Variants in LDLRAD4 observed in about 807,000 individuals in gnomAD.
LDLRAD4 encodes the protein low density lipoprotein receptor class A domain containing 4.
Under a neutral mutation model 17.0 loss-of-function variants are expected in LDLRAD4, and 5 were observed. The observed-to-expected ratio is 0.29, with a 90% confidence interval of 0.15 to 0.62. LDLRAD4 has a LOEUF of 0.62. Ranked by LOEUF, LDLRAD4 falls within the 20% of genes least tolerant of loss-of-function variation. LDLRAD4 has a pLI of 0.84. For synonymous variants in LDLRAD4, 168 were observed against 171.8 expected (o/e 0.98, Z 0.17); for missense variants, 340 against 424.7 (o/e 0.80, Z 1.75).
intron 3 of LDLRAD4, among the ~76,000 whole-genome samples, chr18:13,517,296 A>G (rs1264171402): frequency 6.6e-6 from 1 of 152,218 alleles, no homozygotes; most frequent in Admixed American, 6.5e-5. Flanking sequence ...TGTTCCTGTC[A>G]TCTTCCACTT....
chr18:13,401,803 G>A (rs11662686), intron 2 of LDLRAD4, among the ~76,000 whole-genome samples: 66,514 of 152,048 alleles, frequency 0.44, 16,702 homozygotes, highest in Non-Finnish European at 0.56. Context: ...TTTTCCTTCT[G>A]TGTGGTTTCA....
intron 3 of LDLRAD4, among the ~76,000 whole-genome samples, chr18:13,600,709 T>C (rs900474089): frequency 6.6e-6 from 1 of 152,214 alleles, no homozygotes; most frequent in Non-Finnish European, 1.5e-5. Context: ...GATAGACTGG[T>C]TTGGAAAATT....
At chr18:13,631,400 G>A (rs1396599931) in intron 4 of LDLRAD4, among the ~76,000 whole-genome samples, 2 of 152,146 alleles carry the variant, frequency 1.3e-5, no homozygotes, top group African/African-American at 2.4e-5. Flanking sequence ...CATGGCTTCA[G>A]TGGTGAATTC....
intron 3 of LDLRAD4, among the ~76,000 whole-genome samples, chr18:13,600,521 C>T (rs2148627638): frequency 6.6e-6 from 1 of 152,338 alleles, no homozygotes; most frequent in South Asian, 2.1e-4. Context: ...GGCATAATGA[C>T]AGCAGACAGA....
intron 3 of LDLRAD4, among the ~76,000 whole-genome samples, chr18:13,569,080 G>T (rs2094648238): frequency 6.6e-6 from 1 of 152,124 alleles, no homozygotes; most frequent in Non-Finnish European, 1.5e-5. Flanking sequence ...AAAAAAAAAT[G>T]ATTATAAGAA....
chr18:13,507,073 AT>A (rs1332724183), intron 3 of LDLRAD4, among the ~76,000 whole-genome samples: 1 of 152,166 alleles, frequency 6.6e-6, no homozygotes, highest in Non-Finnish European at 1.5e-5. Context: ...TCTGTGCCAC[AT>A]TTTGGCAATT....
At chr18:13,505,709 T>C (rs1288797652) in intron 3 of LDLRAD4, among the ~76,000 whole-genome samples, 1 of 152,070 alleles carries the variant, frequency 6.6e-6, no homozygotes, top group Non-Finnish European at 1.5e-5. Flanking sequence ...TCGCAGCTAC[T>C]CGGGAGGCTG....
chr18:13,527,618 A>T (rs1231173341), intron 3 of LDLRAD4, among the ~76,000 whole-genome samples: 1 of 152,160 alleles, frequency 6.6e-6, no homozygotes, highest in African/African-American at 2.4e-5. Flanking sequence ...CCCTCTAGGA[A>T]ATTTGTTAGG....
exon 1 of LDLRAD4, chr18:13,218,945 C>T (rs1202536844): frequency 6.6e-6 from 1 of 152,358 alleles, no homozygotes; most frequent in African/African-American, 2.4e-5. Context: ...TCCTCGGGAC[C>T]CCTTCCCGGT....
At chr18:13,636,245 G>T (rs185444407) in intron 4 of LDLRAD4, among the ~76,000 whole-genome samples, 5 of 152,016 alleles carry the variant, frequency 3.3e-5, no homozygotes, top group African/African-American at 1.2e-4. Flanking sequence ...CTCAAGTCCC[G>T]CAGTCTGTCC....
intron 1 of LDLRAD4, among the ~76,000 whole-genome samples, chr18:13,248,833 G>T (rs1446756657): frequency 6.6e-6 from 1 of 152,026 alleles, no homozygotes; most frequent in African/African-American, 2.4e-5. Flanking sequence ...TCATACAGTG[G>T]TATAGAACAC....
In LDLRAD4 at chr18:13,428,600, G is replaced by C. The variant is rs114139359; in HGVS notation, c.41-9644G>C. Reference sequence around the variant, plus strand: ...ATGAGTAAACCGTGGTGGAAGGACAGGGGAGGAGCTAGGAGATCACCATGG... The same window carrying C: ...ATGAGTAAACCGTGGTGGAAGGACACGGGAGGAGCTAGGAGATCACCATGG... On this transcript the variant is annotated intron_variant, in intron 2 of 5. Transcript: ENST00000359446. Among the ~76,000 whole-genome samples, 863 of 152,296 alleles carry C rather than the reference G, an allele frequency of 5.7e-3. 6 individuals are homozygous for C. Among genetic ancestry groups the C allele is most frequent in the African/African-American group, 0.019 (789 of 41,566 alleles).
chr18:13,324,141 A>G (rs918160640), intron 1 of LDLRAD4, among the ~76,000 whole-genome samples: 1 of 145,344 alleles, frequency 6.9e-6, no homozygotes, highest in Non-Finnish European at 1.5e-5. Context: ...TCAAGTGTCT[A>G]TTTTTTTTTT....
chr18:13,307,264 C>G (rs1051073670), intron 1 of LDLRAD4, among the ~76,000 whole-genome samples: 11 of 152,134 alleles, frequency 7.2e-5, no homozygotes, highest in Admixed American at 6.5e-5. Context: ...CTGTCTCTGC[C>G]CCGCCTGAGA....
At chr18:13,566,178 A>G (rs1786519) in intron 3 of LDLRAD4, among the ~76,000 whole-genome samples, 152,225 of 152,226 alleles carry the variant, frequency 1, 76,112 homozygotes, top group Non-Finnish European at 1. Flanking sequence ...CGGGCAGCCA[A>G]TGAGACCCCC....
At chr18:13,405,849 C>A (rs1487129456) in intron 2 of LDLRAD4, among the ~76,000 whole-genome samples, 3 of 152,168 alleles carry the variant, frequency 2.0e-5, no homozygotes, top group Admixed American at 6.5e-5. Context: ...CTGAGTGCCA[C>A]AGAGGTGTGG....
intron 1 of LDLRAD4, among the ~76,000 whole-genome samples, chr18:13,374,255 C>T (rs183517958): frequency 1.5e-4 from 23 of 152,210 alleles, no homozygotes; most frequent in African/African-American, 4.3e-4. Context: ...CTATGGAGGC[C>T]GGAGCCCTCT....
chr18:13,269,385 A>G (rs553982620), intron 1 of LDLRAD4, among the ~76,000 whole-genome samples: 215 of 152,368 alleles, frequency 1.4e-3, no homozygotes, highest in African/African-American at 5.0e-3. Context: ...CACTGGCTCA[A>G]TGAAATGTAA....
chr18:13,404,021 G>C (rs1341446866), intron 2 of LDLRAD4, among the ~76,000 whole-genome samples: 1 of 152,218 alleles, frequency 6.6e-6, no homozygotes, highest in Non-Finnish European at 1.5e-5. Context: ...CTGAGGCGGG[G>C]CCTCTTGATT....
Sources: allele counts gnomAD v4.1 joint callset (sites outside exome capture counted in the v4.1 genomes callset), GRCh38; gene constraint gnomAD v4.1.1; transcripts MANE v1.5; gene names NCBI Gene and HGNC (gene_info 2026-07-23, HGNC 2026-07-21).